The following SAMMSON variants were observed in gnomAD, a reference collection of about 807,000 sequenced individuals.
SAMMSON encodes survival associated mitochondrial melanoma specific oncogenic non-coding RNA.
chr3:70,362,006 C>T (rs1014708989), intron 9 of SAMMSON, among the ~76,000 whole-genome samples: 2 of 151,980 alleles, frequency 1.3e-5, no homozygotes, highest in African/African-American at 4.8e-5. Context: ...CTTGGATTTC[C>T]CGAGATGAAT....
At chr3:70,324,055 C>T (rs1175038991) in intron 7 of SAMMSON, among the ~76,000 whole-genome samples, 4 of 151,978 alleles carry the variant, frequency 2.6e-5, no homozygotes, top group African/African-American at 9.7e-5. Context: ...GCTTGAAGCC[C>T]CAGAATCAGA....
chr3:70,414,818 A>G (rs1174323334), intron 2 of SAMMSON, among the ~76,000 whole-genome samples: 1 of 152,184 alleles, frequency 6.6e-6, no homozygotes, highest in East Asian at 1.9e-4. Flanking sequence ...GTATTAAAAG[A>G]TGAAATCATT....
At chr3:70,012,310 T>A (rs1367373810) in intron 1 of SAMMSON, 2 of 152,190 alleles carry the variant, frequency 1.3e-5, no homozygotes. Context: ...TAGATGTGAT[T>A]AAGAATCTTG....
chr3:70,336,274 C>G (rs1179073023), intron 7 of SAMMSON, among the ~76,000 whole-genome samples: 1 of 151,764 alleles, frequency 6.6e-6, no homozygotes, highest in Non-Finnish European at 1.5e-5. Context: ...GTAAGCAGAC[C>G]CCAGGTGTTT....
At chr3:70,413,073 T>C (rs1701234517) in intron 2 of SAMMSON, among the ~76,000 whole-genome samples, 1 of 152,140 alleles carries the variant, frequency 6.6e-6, no homozygotes, top group Non-Finnish European at 1.5e-5. Context: ...TTAAAACCTG[T>C]ATTTCCTTAC....
chr3:70,235,000 A>G (rs1462119630), intron 4 of SAMMSON, among the ~76,000 whole-genome samples: 1 of 152,110 alleles, frequency 6.6e-6, no homozygotes, highest in African/African-American at 2.4e-5. Flanking sequence ...AGATGATTCT[A>G]ATGTGTAGCC....
chr3:70,039,845 G>T (rs775580595), intron 3 of SAMMSON, among the ~76,000 whole-genome samples: 1 of 152,034 alleles, frequency 6.6e-6, no homozygotes, highest in Non-Finnish European at 1.5e-5. Flanking sequence ...CTTCAGGGAG[G>T]ATACATTTGG....
rs74755227 is a variant in SAMMSON, at chr3:70,317,377, T to A, written n.739+26134T>A. On this transcript the variant is annotated intron_variant and non_coding_transcript_variant, in intron 7 of 9. Coordinates refer to ENST00000642114, the Ensembl canonical transcript of SAMMSON. Reference sequence around the variant, plus strand: ...TGTTCACTTCAGGTGTCAGTAATTTTTACCAATAAAGTATTTTTAATTAAG... The same window carrying A: ...TGTTCACTTCAGGTGTCAGTAATTTATACCAATAAAGTATTTTTAATTAAG... Among the ~76,000 whole-genome samples the A allele has an allele frequency of 4.1e-3, 628 of 152,102 alleles. 22 individuals carry two copies. The East Asian group carries it at 0.083, about 20-fold the overall frequency.
At chr3:70,153,185 T>TC (rs1381527403) in intron 4 of SAMMSON, among the ~76,000 whole-genome samples, 2 of 151,924 alleles carry the variant, frequency 1.3e-5, no homozygotes, top group African/African-American at 4.8e-5. Context: ...GTCAATGAAG[T>TC]GTTTTTTTAA....
At chr3:70,232,113 G>A (rs1216710231) in intron 4 of SAMMSON, among the ~76,000 whole-genome samples, 1 of 152,158 alleles carries the variant, frequency 6.6e-6, no homozygotes, top group African/African-American at 2.4e-5. Context: ...CTGACACGGT[G>A]ACACTGGCAG....
At chr3:70,070,624 GA>G (rs1465681666) in intron 3 of SAMMSON, among the ~76,000 whole-genome samples, 20 of 151,158 alleles carry the variant, frequency 1.3e-4, no homozygotes, top group African/African-American at 4.1e-4. Context: ...GACATAAATT[GA>G]TCCCATTAAG....
intron 9 of SAMMSON, among the ~76,000 whole-genome samples, chr3:70,377,083 A>T (rs950825500): frequency 3.9e-5 from 6 of 152,168 alleles, no homozygotes; most frequent in African/African-American, 1.4e-4. Context: ...AATAGAAATA[A>T]ACTGTAATCT....
chr3:70,288,159 A>C (rs1372960729), intron 6 of SAMMSON, among the ~76,000 whole-genome samples: 22 of 142,566 alleles, frequency 1.5e-4, no homozygotes, highest in African/African-American at 5.3e-4. Flanking sequence ...TTAGGGTGTC[A>C]ATTTTGGATC....
At chr3:70,117,726 C>T (rs2067417101) in intron 4 of SAMMSON, among the ~76,000 whole-genome samples, 1 of 152,048 alleles carries the variant, frequency 6.6e-6, no homozygotes, top group African/African-American at 2.4e-5. Context: ...CAGGGCTTGT[C>T]CTGATCTCAA....
chr3:70,248,393 A>G (rs746662520), intron 4 of SAMMSON, among the ~76,000 whole-genome samples: 3 of 152,094 alleles, frequency 2.0e-5, no homozygotes, highest in Admixed American at 6.6e-5. Context: ...ATTGCCAAAA[A>G]GTGTTGGGTT....
chr3:70,375,008 T>C (rs1276103851), intron 9 of SAMMSON, among the ~76,000 whole-genome samples: 1 of 152,110 alleles, frequency 6.6e-6, no homozygotes, highest in African/African-American at 2.4e-5. Flanking sequence ...GGGAAACCCA[T>C]GGAACTCACA....
At chr3:70,210,460 T>C (rs1160866215) in intron 4 of SAMMSON, among the ~76,000 whole-genome samples, 1 of 152,104 alleles carries the variant, frequency 6.6e-6, no homozygotes, top group Non-Finnish European at 1.5e-5. Context: ...GTCACAATTT[T>C]TGGGTGAATG....
At chr3:70,377,476 G>A (rs1331583103) in intron 9 of SAMMSON, among the ~76,000 whole-genome samples, 1 of 152,012 alleles carries the variant, frequency 6.6e-6, no homozygotes, top group African/African-American at 2.4e-5. Flanking sequence ...CACTCCACAA[G>A]ATAAATAGAA....
chr3:70,030,161 A>G (rs1227194534), intron 3 of SAMMSON, among the ~76,000 whole-genome samples: 1 of 151,528 alleles, frequency 6.6e-6, no homozygotes, highest in Non-Finnish European at 1.5e-5. Flanking sequence ...AGTTAAATAA[A>G]TAATAAAAAT....
Sources: gnomAD v4.1 joint callset for allele counts (sites outside exome capture counted in the v4.1 genomes callset) on GRCh38, gnomAD v4.1.1 for gene constraint, MANE v1.5 for transcripts, NCBI Gene and HGNC (gene_info 2026-07-23, HGNC 2026-07-21) for gene names.